Variants in NSUN2 observed in about 807,000 individuals in gnomAD.
NSUN2 encodes the protein NOP2/Sun RNA methyltransferase 2.
In NSUN2, 63 loss-of-function variants were observed where a neutral mutation model predicts 92.7. That is an observed-to-expected ratio of 0.68 (90% CI 0.56 to 0.84). The LOEUF is 0.84. NSUN2 is among the 40% of genes least tolerant of loss of function. NSUN2 has a pLI of 0.00. For synonymous variants in NSUN2, 356 were observed against 348.3 expected (o/e 1.02, Z -0.25); for missense variants, 989 against 964.9 (o/e 1.02, Z -0.33).
intron 16 of NSUN2, 50 bp downstream of exon 16, chr5:6,604,555 T>C (rs771499959): frequency 3.9e-6 from 6 of 1,528,660 alleles, no homozygotes; most frequent in Non-Finnish European, 5.4e-6. Flanking sequence ...TACTCCCGAC[T>C]GCTTCAGTCA....
At position 6,610,683 on chromosome 5, in the gene NSUN2, CA is replaced by C. The variant is rs10718851; in HGVS notation, c.1226+271del. Among the ~76,000 whole-genome samples the C allele has an allele frequency of 0.58, 74,224 of 127,264 alleles. 20,520 individuals carry two copies. The highest frequency in any genetic ancestry group is 0.66 in the Non-Finnish European group (40,072 of 60,756). 83.5% of individuals were successfully genotyped at this position (127,264 alleles called of 152,430 possible). ...TGGATGACAGAGTGAGACTCTCTCT[CA>C]AAAAAAAAAAAAAAAAGTTCATGAA... On this transcript the variant is annotated intron_variant, in intron 11 of 18. Transcript: ENST00000264670.
chr5:6,613,222 A>G (rs1737074197), intron 9 of NSUN2, among the ~76,000 whole-genome samples: 1 of 152,256 alleles, frequency 6.6e-6, no homozygotes, highest in South Asian at 2.1e-4. Context: ...CTACTATGAC[A>G]TATTGGAATG....
At chr5:6,607,986 T>C (rs1553997152) in intron 12 of NSUN2, among the ~76,000 whole-genome samples, 3 of 152,202 alleles carry the variant, frequency 2.0e-5, no homozygotes, top group Non-Finnish European at 4.4e-5. Flanking sequence ...ATACATGTCC[T>C]TTTTAACATT....
chr5:6,604,816 C>A, intron 15 of NSUN2, 131 bp from the exon 16 acceptor site: 1 of 735,934 alleles, frequency 1.4e-6, no homozygotes, highest in Non-Finnish European at 2.3e-6. Context: ...CACCGAGAAA[C>A]CCCGGTTAAG....
At chr5:6,602,650 G>T in intron 17 of NSUN2, 150 bp from the exon 18 acceptor site, 1 of 791,004 alleles carries the variant, frequency 1.3e-6, no homozygotes, top group Non-Finnish European at 2.2e-6. Flanking sequence ...TCTAGATGGT[G>T]AAAAGAGGCC....
chr5:6,603,209 TA>T (rs1327769130), intron 17 of NSUN2, among the ~76,000 whole-genome samples: 6 of 152,296 alleles, frequency 3.9e-5, no homozygotes, highest in African/African-American at 1.4e-4. Flanking sequence ...TTTTTATGCT[TA>T]GGGGAAAACG....
chr5:6,604,837 TACTC>T, intron 15 of NSUN2, 152 bp from the exon 16 acceptor site: 1 of 650,764 alleles, frequency 1.5e-6, no homozygotes, highest in Non-Finnish European at 2.7e-6. Context: ...AACGAACTGA[TACTC>T]ACAACTTGTG....
rs769957675 is a variant in NSUN2, at chr5:6,605,263, C to T, written c.1737+10G>A. ...CATCACACAGCACTCAGCGTCTGTG[C>T]GGCTGGCACCTTCATCTTCTCACTG... On this transcript the variant is annotated intron_variant, in intron 15 of 18. Coordinates refer to ENST00000264670, the MANE Select transcript of NSUN2 (RefSeq NM_017755.6). 59 of 1,613,678 alleles carry T rather than the reference C, an allele frequency of 3.7e-5. 1 individual carries two copies. The highest frequency in any genetic ancestry group is 1.7e-4 in the Middle Eastern group (1 of 6,060).
At chr5:6,630,495 A>G (rs1465696455) in intron 3 of NSUN2, among the ~76,000 whole-genome samples, 1 of 152,104 alleles carries the variant, frequency 6.6e-6, no homozygotes, top group African/African-American at 2.4e-5. Flanking sequence ...TAGTAGAGAT[A>G]GGGTTTCACG....
chr5:6,609,103 T>G (rs576979907), intron 12 of NSUN2, among the ~76,000 whole-genome samples: 1 of 152,290 alleles, frequency 6.6e-6, no homozygotes, highest in Non-Finnish European at 1.5e-5. Context: ...TTTTTGTTCC[T>G]CCAAAGCTAA....
intron 3 of NSUN2, among the ~76,000 whole-genome samples, chr5:6,628,759 T>C (rs962265897): frequency 2.0e-5 from 3 of 152,152 alleles, no homozygotes; most frequent in Non-Finnish European, 1.5e-5. Context: ...GAAACTGGCA[T>C]TGGCCAGGAA....
chr5:6,630,040 C>T (rs1450447786), intron 3 of NSUN2, among the ~76,000 whole-genome samples: 1 of 152,192 alleles, frequency 6.6e-6, no homozygotes, highest in East Asian at 1.9e-4. Context: ...ACTTCAAGTA[C>T]AACACAATCA....
At chr5:6,620,061 G>T (rs368862871) in intron 7 of NSUN2, 45 bp downstream of exon 7, 1 of 1,443,088 alleles carries the variant, frequency 6.9e-7, no homozygotes, top group Non-Finnish European at 9.4e-7. Flanking sequence ...TATTTGACTT[G>T]ATTTCTTTAG....
chr5:6,611,085 C>T lies in NSUN2; in HGVS notation c.1096G>A (p.Val366Ile), dbSNP rs760121882. 8.1e-6 allele frequency: 13 copies of T among 1,614,024 alleles called. No homozygotes were observed. Among genetic ancestry groups the T allele is most frequent in the Non-Finnish European group, 1.1e-5 (13 of 1,180,010 alleles). The change falls in exon 11 of 19, where the codon GTA becomes ATA. Residue 366 changes from valine to isoleucine, a missense_variant and splice_region_variant. Around this residue, in one of 3 missense-constraint regions of NSUN2, gnomAD observed 626 missense variants for 602.3 expected, o/e 1.04. Transcript: ENST00000264670. Reference sequence around the variant, plus strand: ...AACCACTGCCCATCTTTCGTCATTACCTGCAGAACCACAGGGTACATTCCA... The same window carrying T: ...AACCACTGCCCATCTTTCGTCATTATCTGCAGAACCACAGGGTACATTCCA... The part of the protein sequence containing the change: ...KWMPGITQWK[V>I]MTKDGQWFTD...
chr5:6,612,865 A>T (rs1737059758), intron 9 of NSUN2, among the ~76,000 whole-genome samples: 1 of 152,216 alleles, frequency 6.6e-6, no homozygotes, highest in Non-Finnish European at 1.5e-5. Flanking sequence ...GGAAGCTGCC[A>T]ATGCTACCCC....
At chr5:6,620,772 T>G (rs1230732304) in intron 6 of NSUN2, 1 of 152,820 alleles carries the variant, frequency 6.5e-6, no homozygotes, top group Non-Finnish European at 1.5e-5. Context: ...CTGGGAAGTC[T>G]ACTGGGTGTA....
At chr5:6,624,951 G>A (rs746133967) in intron 4 of NSUN2, among the ~76,000 whole-genome samples, 14 of 152,104 alleles carry the variant, frequency 9.2e-5, no homozygotes, top group Non-Finnish European at 1.8e-4. Flanking sequence ...TGATGCTAAA[G>A]GTAAAAAGCT....
rs797045837 is a variant in NSUN2 at position 6,600,208 on chromosome 5, G to A, written c.2022C>T (p.Pro674=). 6.2e-7 allele frequency: 1 copy of A among 1,614,146 alleles called. No homozygotes were observed. ...DSANPDALQC[P]IVLCGWRGKA... ...TTCCCCGCCATCCGCATAAGACGAT[G>A]GGACACTGCAGAGCGTCTGGATTCC... is the stretch of plus-strand genomic sequence containing the variant. Residue 674 remains proline (P), a synonymous_variant, in exon 19 of 19, where the codon CCC becomes CCT. Coordinates refer to ENST00000264670, the MANE Select transcript of NSUN2 (RefSeq NM_017755.6).
intron 6 of NSUN2, 22 bp from the exon 7 acceptor site, chr5:6,620,320 G>A: frequency 6.6e-7 from 1 of 1,518,050 alleles, no homozygotes; most frequent in Admixed American, 2.1e-5. Flanking sequence ...GAATTGCAGT[G>A]TCAGGTGAAA....
Sources: allele counts gnomAD v4.1 joint callset (sites outside exome capture counted in the v4.1 genomes callset), GRCh38; gene constraint gnomAD v4.1.1; regional missense constraint gnomAD v4.1.1; transcripts MANE v1.5; gene names NCBI Gene and HGNC (gene_info 2026-07-23, HGNC 2026-07-21).